The following PCNX1 variants were observed in gnomAD, a reference collection of about 807,000 sequenced individuals.
PCNX1 encodes pecanex-like protein 1.
Under a neutral mutation model 242.2 loss-of-function variants are expected in PCNX1, and 78 were observed. That is an observed-to-expected ratio of 0.32 (90% CI 0.27 to 0.39). PCNX1 has a LOEUF of 0.39. PCNX1 is among the 10% of genes least tolerant of loss of function. PCNX1 has a pLI of 1.00. For missense variants in PCNX1, 2,581 were observed against 2,856.5 expected, an observed-to-expected ratio of 0.90 and a Z score of 2.20; for synonymous variants, 1,024 against 1,032.9, an observed-to-expected ratio of 0.99 and a Z score of 0.17.
At position 71,110,901 on chromosome 14, in the gene PCNX1, C is replaced by T. The variant is rs1483613880; in HGVS notation, c.*966C>T. ...TTTTCTTTAAGAAGAAGATGAATGT[C>T]CAGGAATTTAAAGAAAGGATCGATT... On this transcript the variant is annotated 3_prime_UTR_variant, in exon 36 of 36. Coordinates refer to ENST00000304743, the MANE Select transcript of PCNX1 (RefSeq NM_014982.3). 6.6e-6 allele frequency: 1 copy of T among 152,564 alleles called. No individual in the cohort carries two copies. Among genetic ancestry groups the T allele is most frequent in the African/African-American group, 2.4e-5 (1 of 41,406 alleles). The allele number at this position is 152,564 out of a possible 1,614,324, so 9.5% of individuals were successfully genotyped here.
chr14:70,995,876 A>G lies in PCNX1; in HGVS notation c.2580A>G (p.Ser860=), dbSNP rs1358152014. 1.6e-5 allele frequency: 26 copies of G among 1,613,944 alleles called. No individual in the cohort carries two copies. Among genetic ancestry groups the G allele is most frequent in the Non-Finnish European group, 2.1e-5 (25 of 1,179,934 alleles). ...ATGGGAGTGTCCACTTAGAAGCATCACATGACAATGCATCTGCTGTAGGCG... is the reference window on the plus strand; with the variant it reads ...ATGGGAGTGTCCACTTAGAAGCATCGCATGACAATGCATCTGCTGTAGGCG... ...VRNGSVHLEA[S]HDNASAVGGS... The change falls in exon 8 of 36, where the codon TCA becomes TCG. Residue 860 remains serine (S), a synonymous_variant. Transcript: ENST00000304743.
chr14:70,986,700 C>A (rs555333431), intron 6 of PCNX1, among the ~76,000 whole-genome samples: 14 of 152,228 alleles, frequency 9.2e-5, no homozygotes, highest in Admixed American at 8.5e-4. Context: ...AAATTATCTT[C>A]TATAAATTAT....
intron 1 of PCNX1, among the ~76,000 whole-genome samples, chr14:70,917,846 T>G (rs2056211520): frequency 6.6e-6 from 1 of 152,212 alleles, no homozygotes; most frequent in Admixed American, 6.5e-5. Flanking sequence ...TCCAGAAGGT[T>G]GTTTTATCTA....
intron 1 of PCNX1, among the ~76,000 whole-genome samples, chr14:70,940,081 C>G (rs566660899): frequency 7.9e-4 from 121 of 152,264 alleles, no homozygotes; most frequent in African/African-American, 2.6e-3. Flanking sequence ...GACTCTTTAT[C>G]CAATTTGCCA....
At chr14:71,072,389 G>A (rs2061606230) in intron 26 of PCNX1, among the ~76,000 whole-genome samples, 2 of 152,148 alleles carry the variant, frequency 1.3e-5, no homozygotes, top group South Asian at 4.1e-4. Context: ...CATTATTATG[G>A]AAGTGTTGGT....
chr14:71,046,571 G>GA (rs1301401969), intron 20 of PCNX1, among the ~76,000 whole-genome samples: 5 of 151,980 alleles, frequency 3.3e-5, no homozygotes, highest in Non-Finnish European at 5.9e-5. Context: ...TGTAGCATTG[G>GA]AAAAAAATAT....
Position 70,978,370 on chromosome 14 carries a change from C to A in PCNX1, c.2033C>A (p.Thr678Asn). The A allele has an allele frequency of 6.2e-7, 1 of 1,614,236 alleles. No homozygotes were observed. Among genetic ancestry groups the A allele is most frequent in the Non-Finnish European group, 8.5e-7 (1 of 1,180,034 alleles). ...AGCAAAAAGCGTGCAACACGACGGA[C>A]TTCTAGCACAAATAGTGCCAAGACT... ...GTSKKRATRR[T>N]SSTNSAKTRA... is the part of the protein sequence containing the mutation. Residue 678 changes from threonine (T) to asparagine (N), a missense_variant, in exon 6 of 36, where the codon ACT becomes AAT. Transcript: ENST00000304743.
At chr14:71,097,562 T>G (rs1027793076) in intron 30 of PCNX1, among the ~76,000 whole-genome samples, 3 of 152,216 alleles carry the variant, frequency 2.0e-5, no homozygotes, top group Admixed American at 6.5e-5. Context: ...GAGCATTTTT[T>G]CACACTTGTT....
In PCNX1 at chr14:71,080,998, T is replaced by G. The variant is rs188441898; in HGVS notation, c.5337+4579T>G. On this transcript the variant is annotated intron_variant, in intron 28 of 35. Transcript: ENST00000304743. ...TTTGCTCATTCAGTATGATATTAGC[T>G]GTGGGTTTGTCATAAATAGCTCTTA... 2.0e-5 allele frequency among the ~76,000 whole-genome samples: 3 copies of G among 152,290 alleles called. No homozygotes were observed. In the East Asian group the frequency reaches 5.8e-4, roughly 29 times the overall value.
chr14:70,985,332 A>G (rs887610099), intron 6 of PCNX1, among the ~76,000 whole-genome samples: 2 of 152,106 alleles, frequency 1.3e-5, no homozygotes, highest in Non-Finnish European at 2.9e-5. Context: ...CTCCTGCCTC[A>G]GCCTCCCGAG....
chr14:71,084,205 G>C (rs2061926999), intron 28 of PCNX1, among the ~76,000 whole-genome samples: 1 of 152,222 alleles, frequency 6.6e-6, no homozygotes, highest in African/African-American at 2.4e-5. Flanking sequence ...ATTGCTGCCT[G>C]TTCCTTTCTC....
chr14:70,985,155 A>G (rs919257784), intron 6 of PCNX1, among the ~76,000 whole-genome samples: 2 of 152,224 alleles, frequency 1.3e-5, no homozygotes, highest in Non-Finnish European at 2.9e-5. Flanking sequence ...TCAGTATAAC[A>G]AAAGGAAACA....
chr14:71,012,670 AAAT>A, intron 10 of PCNX1: 1 of 318,976 alleles, frequency 3.1e-6, no homozygotes, highest in South Asian at 2.7e-5. Flanking sequence ...TCTCTACAAA[AAAT>A]AGAAAAAGAA....
At chr14:71,076,905 C>T (rs1030175342) in intron 28 of PCNX1, among the ~76,000 whole-genome samples, 14 of 152,106 alleles carry the variant, frequency 9.2e-5, no homozygotes, top group African/African-American at 3.1e-4. Context: ...ACTGAAAAGC[C>T]GAATTGTAAA....
chr14:70,999,766 T>A (rs2059449467), intron 8 of PCNX1, among the ~76,000 whole-genome samples: 1 of 152,208 alleles, frequency 6.6e-6, no homozygotes, highest in Admixed American at 6.5e-5. Flanking sequence ...AAATATAATT[T>A]GGAAGCTTTT....
intron 7 of PCNX1, among the ~76,000 whole-genome samples, chr14:70,990,572 AAAAAG>A (rs953670119): frequency 1.3e-5 from 2 of 152,078 alleles, no homozygotes; most frequent in Admixed American, 1.3e-4. Context: ...CTCAAAAAAA[AAAAAG>A]AACTTCGTCT....
chr14:71,023,010 A>G lies in PCNX1; in HGVS notation c.3151-190A>G, dbSNP rs543145318. ...TGACTCTTATCAGGAAAGATTTGAT[A>G]TGTTTTTAATATCACAGTGACACTG... On this transcript the variant is annotated intron_variant, in intron 12 of 35. Transcript: ENST00000304743. Among the ~76,000 whole-genome samples, 4 of 152,182 alleles carry G rather than the reference A, an allele frequency of 2.6e-5. No homozygotes were observed. The South Asian group carries it at 8.3e-4, about 32-fold the overall frequency.
intron 28 of PCNX1, among the ~76,000 whole-genome samples, chr14:71,084,506 C>T (rs1262858512): frequency 1.3e-5 from 2 of 152,206 alleles, no homozygotes; most frequent in Non-Finnish European, 2.9e-5. Context: ...TATCTATAAG[C>T]CGCTGACTGG....
rs113487500 is a variant in PCNX1 at position 71,019,871 on chromosome 14, C to G, written c.3150+709C>G. ...GCATCCCACCCATCCCACCATGCAT[C>G]CCACCATGCACCCATCAACCCGTCA... On this transcript the variant is annotated intron_variant, in intron 12 of 35. Transcript: ENST00000304743. Among the ~76,000 whole-genome samples the G allele has an allele frequency of 1.6e-4, 25 of 151,536 alleles. 3 individuals are homozygous for G. Among genetic ancestry groups the G allele is most frequent in the African/African-American group, 5.6e-4 (23 of 41,402 alleles).
Sources: allele counts gnomAD v4.1 joint callset (sites outside exome capture counted in the v4.1 genomes callset), GRCh38; gene constraint gnomAD v4.1.1; transcripts MANE v1.5; gene names NCBI Gene and HGNC (gene_info 2026-07-23, HGNC 2026-07-21).